The following UTRN variants were observed in gnomAD, a reference collection of about 807,000 sequenced individuals.
UTRN encodes utrophin, also known as dystrophin-related protein 1.
Under a neutral mutation model 463.9 loss-of-function variants are expected in UTRN, and 283 were observed. That is an observed-to-expected ratio of 0.61 (90% CI 0.55 to 0.67). The LOEUF (loss-of-function observed/expected upper bound fraction) is 0.67. Among genes scored for constraint, UTRN ranks in the 30% least tolerant of loss-of-function variants. The pLI is 0.00. For missense variants in UTRN, 3,922 were observed against 4,084.3 expected (o/e 0.96, Z 1.08); for synonymous variants, 1,442 against 1,431.5 (o/e 1.01, Z -0.17).
chr6:144,767,095 C>T (rs1793443609), intron 58 of UTRN, among the ~76,000 whole-genome samples: 1 of 151,884 alleles, frequency 6.6e-6, no homozygotes, highest in African/African-American at 2.4e-5. Context: ...GAGAAATAAA[C>T]CAGTTTGGGG....
intron 51 of UTRN, among the ~76,000 whole-genome samples, chr6:144,614,162 A>G (rs974834336): frequency 6.6e-6 from 1 of 152,144 alleles, no homozygotes; most frequent in Admixed American, 6.6e-5. Context: ...AATAGGTATA[A>G]TGCTGGTATG....
chr6:144,733,541 G>A (rs1012635397), intron 54 of UTRN, among the ~76,000 whole-genome samples: 1 of 149,684 alleles, frequency 6.7e-6, no homozygotes, highest in Non-Finnish European at 1.5e-5. Flanking sequence ...TGTAATTGAA[G>A]CCCTCCTGAT....
chr6:144,632,313 G>A (rs1274485042), intron 51 of UTRN, among the ~76,000 whole-genome samples: 2 of 152,218 alleles, frequency 1.3e-5, no homozygotes, highest in East Asian at 3.9e-4. Flanking sequence ...TACTGACACT[G>A]AAAAAGAAAT....
chr6:144,452,814 C>T (rs1007046792), intron 18 of UTRN, among the ~76,000 whole-genome samples: 1 of 151,126 alleles, frequency 6.6e-6, no homozygotes, highest in African/African-American at 2.4e-5. Flanking sequence ...CGTGAGCTTG[C>T]ACTTGTAACT....
intron 10 of UTRN, 42 bp from the exon 11 acceptor site, chr6:144,437,523 T>C: frequency 6.7e-7 from 1 of 1,496,774 alleles, no homozygotes; most frequent in Non-Finnish European, 8.9e-7. Flanking sequence ...TTTTTTTTTT[T>C]GCACTGAGTA....
intron 51 of UTRN, among the ~76,000 whole-genome samples, chr6:144,612,752 G>A (rs1805659000): frequency 6.6e-6 from 1 of 152,114 alleles, no homozygotes; most frequent in Non-Finnish European, 1.5e-5. Flanking sequence ...TATATTGTGA[G>A]TGGGAATGTA....
chr6:144,404,581 A>T (rs887960971), intron 3 of UTRN, among the ~76,000 whole-genome samples: 4 of 152,238 alleles, frequency 2.6e-5, no homozygotes, highest in Non-Finnish European at 4.4e-5. Flanking sequence ...AGAACAAGTG[A>T]AGCAGTTTTT....
chr6:144,718,468 A>AG (rs1378171560), intron 53 of UTRN, among the ~76,000 whole-genome samples: 1 of 152,198 alleles, frequency 6.6e-6, no homozygotes, highest in Non-Finnish European at 1.5e-5. Flanking sequence ...TCTCTTAAAA[A>AG]AAGTAATTTT....
rs1253466107 is a variant in UTRN, at chr6:144,447,742, G to C, written c.1863G>C (p.Trp621Cys). The C allele has an allele frequency of 1.2e-6, 2 of 1,613,570 alleles. No homozygotes were observed. The highest frequency in any genetic ancestry group is 2.2e-5 in the South Asian group (2 of 90,930). ...ACTCAGAGGAACTGACTCAAAGATG[G>C]GATTCTTTGGTTCAGAGACTAGAAG... The part of the protein sequence containing the change: ...NSDSEELTQR[W>C]DSLVQRLEDS... Residue 621 changes from tryptophan to cysteine, a missense_variant, in exon 16 of 75, where the codon TGG (tryptophan) becomes TGC (cysteine). Around this residue, in one of 3 missense-constraint regions of UTRN, gnomAD observed 2,349 missense variants for 2,303.8 expected, o/e 1.02. Coordinates refer to ENST00000367545, the MANE Select transcript of UTRN (RefSeq NM_007124.3).
intron 50 of UTRN, among the ~76,000 whole-genome samples, chr6:144,569,091 A>T (rs752747032): frequency 6.6e-6 from 1 of 152,158 alleles, no homozygotes; most frequent in East Asian, 1.9e-4. Flanking sequence ...AATATTGAGT[A>T]TACCATACTC....
At chr6:144,810,403 TTCGGGATTGATTC>T (rs1019133639) in intron 65 of UTRN, among the ~76,000 whole-genome samples, 2 of 152,120 alleles carry the variant, frequency 1.3e-5, no homozygotes, top group African/African-American at 4.8e-5. Context: ...TCATGGGAGC[TTCGGGATTGATTC>T]AAGGAGATAG....
intron 2 of UTRN, among the ~76,000 whole-genome samples, chr6:144,397,482 C>T (rs1218685321): frequency 6.6e-6 from 1 of 152,004 alleles, no homozygotes; most frequent in Non-Finnish European, 1.5e-5. Flanking sequence ...TAACTCCATA[C>T]CCTTCTTCTC....
At chr6:144,389,537 A>G (rs1403449099) in intron 2 of UTRN, among the ~76,000 whole-genome samples, 1 of 151,862 alleles carries the variant, frequency 6.6e-6, no homozygotes, top group Non-Finnish European at 1.5e-5. Context: ...ATGGAGAGAC[A>G]CCATTCTTTA....
At position 144,670,320 on chromosome 6, in the gene UTRN, T is replaced by A. The variant is rs548575509; in HGVS notation, c.7480-8086T>A. Among the ~76,000 whole-genome samples, 3 of 152,290 alleles carry A rather than the reference T, an allele frequency of 2.0e-5. No individual in the cohort carries two copies. In the South Asian group the frequency reaches 6.2e-4, roughly 32 times the overall value. On this transcript the variant is annotated intron_variant, in intron 51 of 74. Coordinates refer to ENST00000367545, the MANE Select transcript of UTRN (RefSeq NM_007124.3). ...TTTTATTTTTTAATTATGGCCATTC[T>A]TGCAGGAGTAAGGGGGTATCACATT...
At chr6:144,684,414 C>T (rs9403579) in intron 52 of UTRN, among the ~76,000 whole-genome samples, 52,378 of 151,988 alleles carry the variant, frequency 0.34, 10,721 homozygotes, top group African/African-American at 0.53. Context: ...TCCATATTCA[C>T]AACTTTTTAT....
intron 2 of UTRN, among the ~76,000 whole-genome samples, chr6:144,375,753 T>C (rs1780398412): frequency 6.6e-6 from 1 of 152,210 alleles, no homozygotes; most frequent in Non-Finnish European, 1.5e-5. Context: ...GCCAGGCGGC[T>C]GCCTGGGTGT....
intron 48 of UTRN, 79 bp downstream of exon 48, chr6:144,551,161 AC>A: frequency 1.2e-6 from 1 of 816,670 alleles, no homozygotes; most frequent in Non-Finnish European, 1.9e-6. Flanking sequence ...ACACACACAC[AC>A]ACACACAAAC....
chr6:144,821,806 T>A (rs1779630213), intron 66 of UTRN, among the ~76,000 whole-genome samples: 1 of 152,162 alleles, frequency 6.6e-6, no homozygotes. Context: ...AATTGCTTTT[T>A]CATATGTCAG....
chr6:144,793,096 C>A (rs1337892145), intron 62 of UTRN, among the ~76,000 whole-genome samples: 1 of 152,042 alleles, frequency 6.6e-6, no homozygotes, highest in Admixed American at 6.5e-5. Context: ...AAAAAACACA[C>A]CTTCTTGTAC....
Sources: allele counts gnomAD v4.1 joint callset (sites outside exome capture counted in the v4.1 genomes callset), GRCh38; gene constraint gnomAD v4.1.1; regional missense constraint gnomAD v4.1.1; transcripts MANE v1.5; gene names NCBI Gene and HGNC (gene_info 2026-07-23, HGNC 2026-07-21).